The following MED16 variants were observed in gnomAD, a reference collection of about 807,000 sequenced individuals.
The protein encoded by MED16 is mediator of RNA polymerase II transcription subunit 16.
MED16 carries 81 observed loss-of-function variants against 84.4 expected under a neutral mutation model. The observed-to-expected ratio is 0.96, with a 90% confidence interval of 0.80 to 1.15. The LOEUF is 1.15. Ranked by LOEUF, MED16 falls within the 50% of genes most tolerant of loss-of-function variation. The pLI, the probability that MED16 is intolerant of heterozygous loss-of-function variation, is 0.00. For synonymous variants in MED16, 897 were observed against 552.2 expected (o/e 1.62, Z -8.76); for missense variants, 1,585 against 1,245.9 (o/e 1.27, Z -4.10).
In MED16 at chr19:873,527, G is replaced by C; in HGVS notation, c.1827C>G (p.Asn609Lys). 1 of 1,612,358 alleles carries C rather than the reference G, an allele frequency of 6.2e-7. No individual in the cohort carries two copies. The highest frequency in any genetic ancestry group is 8.5e-7 in the Non-Finnish European group (1 of 1,179,724). Reference protein sequence around the residue: ...LKTEEFVLDMNTLQALQQLLQ... With the variant: ...LKTEEFVLDMKTLQALQQLLQ... ...AGAGCTGCTGCAGCGCCTGCAGTGT[G>C]TTCATGTCCAGCACAAATTCCTCCG... is the stretch of plus-strand genomic sequence containing the variant. The change falls in exon 11 of 16, where the codon AAC becomes AAG. Residue 609 changes from asparagine (N) to lysine (K), a missense_variant. Asn to Lys is a moderately conservative substitution (Grantham distance 94). Coordinates refer to ENST00000325464, the MANE Select transcript of MED16 (RefSeq NM_005481.3).
At chr19:877,952 C>A (rs1382542893) in intron 8 of MED16, among the ~76,000 whole-genome samples, 1 of 72,236 alleles carries the variant, frequency 1.4e-5, no homozygotes, top group Non-Finnish European at 2.7e-5. Context: ...TCAATGCCCA[C>A]CAGCCCCAGC....
chr19:883,777 C>A (rs960983605), intron 6 of MED16, among the ~76,000 whole-genome samples: 1 of 152,062 alleles, frequency 6.6e-6, no homozygotes, highest in Non-Finnish European at 1.5e-5. Context: ...CACGGGGTGG[C>A]GCCAGGTGCT....
In MED16 at chr19:871,174, G is replaced by C; in HGVS notation, c.2178C>G (p.Ile726Met). ...TGGCTGGCAGCCAGTCCAGGCTGGG[G>C]ATAAGCAGCTGGCTGGGCAGCAGGC... ...ECCLLPSQLL[I>M]PSLDWLPASD... The change falls in exon 13 of 16, where the codon ATC (isoleucine) becomes ATG (methionine). Residue 726 changes from isoleucine (I) to methionine (M), a missense_variant. Transcript: ENST00000325464. 6.5e-7 allele frequency: 1 copy of C among 1,549,324 alleles called. No individual in the cohort carries two copies. The highest frequency in any genetic ancestry group is 8.7e-7 in the Non-Finnish European group (1 of 1,146,234).
chr19:876,448 G>A (rs1388297898), intron 9 of MED16, among the ~76,000 whole-genome samples: 1 of 152,108 alleles, frequency 6.6e-6, no homozygotes, highest in African/African-American at 2.4e-5. Context: ...ATCACATTCT[G>A]AGAGGATGGC....
chr19:885,554 G>C (rs1411121395), intron 5 of MED16, among the ~76,000 whole-genome samples: 3 of 152,180 alleles, frequency 2.0e-5, no homozygotes, highest in Admixed American at 6.5e-5. Context: ...TGGCCACGAA[G>C]CGGGAGGAAG....
intron 10 of MED16, among the ~76,000 whole-genome samples, chr19:874,271 G>A (rs1011506903): frequency 3.9e-5 from 6 of 152,018 alleles, no homozygotes; most frequent in East Asian, 1.9e-4. Flanking sequence ...CCGCCACCAC[G>A]CCCGGCTGAT....
At chr19:887,391 G>C (rs941684490) in intron 4 of MED16, among the ~76,000 whole-genome samples, 1 of 152,096 alleles carries the variant, frequency 6.6e-6, no homozygotes, top group African/African-American at 2.4e-5. Context: ...AATTTGGCCG[G>C]ACGCGGTGGC....
chr19:875,438 A>AC lies in MED16; in HGVS notation c.1576_1577insG (p.Ile526SerfsTer48), dbSNP rs1211263615. The stretch of plus-strand genomic sequence containing the variant: ...GCAGAGCGAGGCCTTCATGGCCAGG[A>AC]TCCGGGTGGAGAGGACCTGAGGGCA... On this transcript the variant is annotated frameshift_variant, in exon 10 of 16. Coordinates refer to ENST00000325464, the MANE Select transcript of MED16 (RefSeq NM_005481.3). LOFTEE classifies it high-confidence loss of function. 6.9e-6 allele frequency: 11 copies of AC among 1,602,734 alleles called. No homozygotes were observed. Among genetic ancestry groups the AC allele is most frequent in the Non-Finnish European group, 9.3e-6 (11 of 1,179,584 alleles).
chr19:877,015 G>C lies in MED16; in HGVS notation c.1519C>G (p.Leu507Val), dbSNP rs777655660. 2.9e-5 allele frequency: 47 copies of C among 1,612,054 alleles called. No homozygotes were observed. Among genetic ancestry groups the C allele is most frequent in the African/African-American group, 4.0e-5 (3 of 74,712 alleles). ...GTCTGGCGCGTGTACTCCTCGTGCAGCTTCTCCACCAGGCTCTGTACCATA... is the reference window on the plus strand; with the variant it reads ...GTCTGGCGCGTGTACTCCTCGTGCACCTTCTCCACCAGGCTCTGTACCATA... ...PSMVQSLVEK[L>V]HEEYTRQTAA... The change falls in exon 9 of 16, where the codon CTG becomes GTG. Residue 507 changes from leucine to valine, a missense_variant. Physicochemically the swap from Leu to Val is conservative, Grantham distance 32. Transcript: ENST00000325464.
In MED16 at chr19:875,414, C is replaced by T. The variant is rs917898403; in HGVS notation, c.1601G>A (p.Cys534Tyr). The change falls in exon 10 of 16, where the codon TGC (cysteine) becomes TAC (tyrosine). Residue 534 changes from cysteine (C) to tyrosine (Y), a missense_variant. Physicochemically the swap from Cys to Tyr is radical, Grantham distance 194 (BLOSUM62 -2). Coordinates refer to ENST00000325464, the MANE Select transcript of MED16 (RefSeq NM_005481.3). ...GGTCACCGTGCAGGGCGACAGCTTG[C>T]AGAGCGAGGCCTTCATGGCCAGGAT... Reference protein sequence around the residue: ...TRILAMKASLCKLSPCTVTRV... With the variant: ...TRILAMKASLYKLSPCTVTRV... 1.2e-6 allele frequency: 2 copies of T among 1,606,332 alleles called. No homozygotes were observed.
chr19:873,380 G>C (rs1344387883), intron 11 of MED16, 69 bp downstream of exon 11: 4 of 1,527,042 alleles, frequency 2.6e-6, no homozygotes, highest in Non-Finnish European at 3.5e-6. Context: ...GGCAGGGGCA[G>C]GGAAGCGGGG....
rs146383901 is a variant in MED16, at chr19:873,776, C to G, written c.1772-194G>C. On this transcript the variant is annotated intron_variant, in intron 10 of 15. Coordinates refer to ENST00000325464, the MANE Select transcript of MED16 (RefSeq NM_005481.3). ...ACTGGGAGCCCACTGCCTGCCCCCCCCCGGGGGCCGCTGTGCTCAGCACCA... is the reference window on the plus strand; with the variant it reads ...ACTGGGAGCCCACTGCCTGCCCCCCGCCGGGGGCCGCTGTGCTCAGCACCA... 1.4e-3 allele frequency among the ~76,000 whole-genome samples: 215 copies of G among 152,252 alleles called. 2 individuals carry two copies. Among genetic ancestry groups the G allele is most frequent in the East Asian group, 0.013 (69 of 5,174 alleles).
In MED16 at chr19:868,910, C is replaced by A; in HGVS notation, c.2352G>T (p.Arg784Ser). Reference sequence around the variant, plus strand: ...CCGTGGGGCAAGCGCCAAGGTGCAGCCTCCGCAGGTGGTCGATCTTGGGCT... The same window carrying A: ...CCGTGGGGCAAGCGCCAAGGTGCAGACTCCGCAGGTGGTCGATCTTGGGCT... ...PGQPKIDHLRRLHLGACPTEE... is the reference protein window; with the variant it reads ...PGQPKIDHLRSLHLGACPTEE... Residue 784 changes from arginine to serine, a missense_variant, in exon 14 of 16, where the codon AGG (arginine) becomes AGT (serine). Transcript: ENST00000325464. 6.4e-7 allele frequency: 1 copy of A among 1,551,156 alleles called. No individual in the cohort carries two copies. Among genetic ancestry groups the A allele is most frequent in the Non-Finnish European group, 8.7e-7 (1 of 1,152,674 alleles).
intron 1 of MED16, among the ~76,000 whole-genome samples, chr19:891,509 G>T (rs59303053): frequency 0.018 from 2,760 of 152,308 alleles, 71 homozygotes; most frequent in African/African-American, 0.062. Context: ...GATGGGGGCA[G>T]CAAGTGGACA....
At chr19:868,988 C>G (rs373031828) in intron 13 of MED16, 42 bp from the exon 14 acceptor site, 77 of 1,492,088 alleles carry the variant, frequency 5.2e-5, no homozygotes, top group Middle Eastern at 2.3e-4. Context: ...CTGGGCACCA[C>G]GAGGCCAGGT....
At position 880,033 on chromosome 19, in the gene MED16, C is replaced by A. The variant is rs1194701308; in HGVS notation, c.1257G>T (p.Met419Ile). 1 of 1,610,944 alleles carries A rather than the reference C, an allele frequency of 6.2e-7. No homozygotes were observed. Among genetic ancestry groups the A allele is most frequent in the East Asian group, 2.2e-5 (1 of 44,850 alleles). ...AAPRPVDEPAMKRPRTAGPAV... is the reference protein window; with the variant it reads ...AAPRPVDEPAIKRPRTAGPAV... ...CGGGGCCCGCGGTGCGGGGGCGCTT[C>A]ATGGCCGGCTCATCCACAGGCCTCG... Residue 419 changes from methionine (M) to isoleucine (I), a missense_variant, in exon 8 of 16, where the codon ATG (methionine) becomes ATT (isoleucine). Physicochemically the swap from Met to Ile is conservative, Grantham distance 10. Coordinates refer to ENST00000325464, the MANE Select transcript of MED16 (RefSeq NM_005481.3).
rs570836872 is a variant in MED16, at chr19:880,559, C to A, written c.1142-411G>T. Among the ~76,000 whole-genome samples the A allele has an allele frequency of 8.6e-5, 13 of 151,148 alleles. No homozygotes were observed. In the East Asian group the frequency reaches 2.3e-3, roughly 27 times the overall value. On this transcript the variant is annotated intron_variant, in intron 7 of 15. Coordinates refer to ENST00000325464, the MANE Select transcript of MED16 (RefSeq NM_005481.3). ...CTGGGGTCTGCCATTGTACGAGGGC[C>A]GGGGGGAGGTGGGGTCCAGAGCCCA...
chr19:872,826 T>G, intron 11 of MED16: 1 of 374,418 alleles, frequency 2.7e-6, no homozygotes, highest in Non-Finnish European at 3.8e-6. Context: ...GGCCTTCGTG[T>G]AGGGGTGGGG....
At chr19:885,620 G>T (rs899950164) in intron 5 of MED16, 150 bp downstream of exon 5, 4 of 933,282 alleles carry the variant, frequency 4.3e-6, no homozygotes, top group Middle Eastern at 6.8e-4. Context: ...CAGAAAATGG[G>T]TTCTCCCCTG....
Sources: allele counts gnomAD v4.1 joint callset (sites outside exome capture counted in the v4.1 genomes callset), GRCh38; gene constraint gnomAD v4.1.1; transcripts MANE v1.5; gene names NCBI Gene and HGNC (gene_info 2026-07-23, HGNC 2026-07-21).